The following RAF1 variants were observed in gnomAD, a reference collection of about 807,000 sequenced individuals.
The protein encoded by RAF1 is Raf-1 proto-oncogene, serine/threonine kinase.
Under a neutral mutation model 81.1 loss-of-function variants are expected in RAF1, and 27 were observed. The observed-to-expected ratio is 0.33, with a 90% CI of 0.25 to 0.46. RAF1 has a LOEUF of 0.46. Among genes scored for constraint, RAF1 ranks in the 20% least tolerant of loss-of-function variants. The pLI is 1.00. For synonymous variants in RAF1, 298 were observed against 294.0 expected, an observed-to-expected ratio of 1.01 and a Z score of -0.14; for missense variants, 598 against 826.0, an observed-to-expected ratio of 0.72 and a Z score of 3.38.
intron 1 of RAF1, among the ~76,000 whole-genome samples, chr3:12,633,934 CA>C (rs35322613): frequency 0.28 from 26,387 of 95,346 alleles, 2,387 homozygotes; most frequent in African/African-American, 0.35. Context: ...AAAACTCTCT[CA>C]AAAAAAAAAA....
At position 12,590,997 on chromosome 3, in the gene RAF1, G is replaced by A. The variant is rs200643299; in HGVS notation, c.1254-23C>T. The A allele has an allele frequency of 1.1e-4, 182 of 1,583,764 alleles. 1 individual carries two copies. Among genetic ancestry groups the A allele is most frequent in the African/African-American group, 5.1e-4 (38 of 74,568 alleles). ...TTGCTGGGGAGGGGAGGGGAAGAGA[G>A]GAGAGGGAGGAGGAAAGTGCTCAGG... On this transcript the variant is annotated intron_variant, in intron 12 of 17. Transcript: ENST00000442415.
chr3:12,645,097 C>CAAAAAAAA (rs11401342), intron 1 of RAF1, among the ~76,000 whole-genome samples: 6 of 65,036 alleles, frequency 9.2e-5, no homozygotes, highest in East Asian at 5.8e-4. Flanking sequence ...GACTCAGTCT[C>CAAAAAAAA]AAAAAAAAAA....
intron 2 of RAF1, among the ~76,000 whole-genome samples, chr3:12,613,474 A>G (rs1575591691): frequency 6.7e-6 from 1 of 148,304 alleles, no homozygotes; most frequent in East Asian, 2.0e-4. Context: ...ATATCTACCT[A>G]TGTGGGTACA....
chr3:12,643,454 AAAG>A (rs1301688638), intron 1 of RAF1, among the ~76,000 whole-genome samples: 1 of 152,170 alleles, frequency 6.6e-6, no homozygotes, highest in Non-Finnish European at 1.5e-5. Context: ...TAAAAATTAA[AAAG>A]AAGCCGGGTG....
At chr3:12,626,928 G>A (rs2059719312) in intron 1 of RAF1, among the ~76,000 whole-genome samples, 2 of 150,638 alleles carry the variant, frequency 1.3e-5, no homozygotes, top group African/African-American at 2.4e-5. Flanking sequence ...GGAGGCTGAG[G>A]CAGGAGAATC....
intron 5 of RAF1, chr3:12,608,468 A>G (rs2059109445): frequency 1.4e-5 from 6 of 415,460 alleles, no homozygotes; most frequent in Middle Eastern, 7.1e-4. Flanking sequence ...AGCGAAAAGC[A>G]AAAAATCTTC....
intron 3 of RAF1, 115 bp downstream of exon 3, chr3:12,611,824 ATAAAGAAAGGT>A: frequency 1.3e-6 from 1 of 758,230 alleles, no homozygotes; most frequent in Non-Finnish European, 2.3e-6. Context: ...TTATCTCTTT[ATAAAGAAAGGT>A]ATAGAAATAT....
Position 12,599,825 on chromosome 3 carries a change from T to C in RAF1, c.1051-17A>G, listed in dbSNP as rs753519031. 3 of 1,561,594 alleles carry C rather than the reference T, an allele frequency of 1.9e-6. No homozygotes were observed. The highest frequency in any genetic ancestry group is 3.3e-5 in the Admixed American group (2 of 59,928). Reference sequence around the variant, plus strand: ...ACGAGGCCTCTGAAACAAGTAGAGATCATTATTATACTCCATGCAATGGTA... The same window carrying C: ...ACGAGGCCTCTGAAACAAGTAGAGACCATTATTATACTCCATGCAATGGTA... On this transcript the variant is annotated splice_polypyrimidine_tract_variant and intron_variant, in intron 10 of 17. Coordinates refer to ENST00000442415, the MANE Select transcript of RAF1 (RefSeq NM_001354689.3).
intron 1 of RAF1, among the ~76,000 whole-genome samples, chr3:12,644,703 TTTAAG>T (rs2060292187): frequency 6.6e-6 from 1 of 152,220 alleles, no homozygotes; most frequent in South Asian, 2.1e-4. Flanking sequence ...CATGGACATT[TTTAAG>T]TTTTCTTCAA....
At chr3:12,661,507 GACCAGC>G in intron 1 of RAF1, among the ~76,000 whole-genome samples, 1 of 152,034 alleles carries the variant, frequency 6.6e-6, no homozygotes, top group South Asian at 2.1e-4. Context: ...AGGAGTTCGA[GACCAGC>G]CTGGCCAACA....
chr3:12,610,885 GC>G (rs906929416), intron 3 of RAF1, among the ~76,000 whole-genome samples: 3 of 152,156 alleles, frequency 2.0e-5, no homozygotes, highest in African/African-American at 7.2e-5. Flanking sequence ...TTGAGGGGAT[GC>G]CTCTATCTTG....
At chr3:12,644,592 C>T (rs1559480381) in intron 1 of RAF1, among the ~76,000 whole-genome samples, 1 of 152,190 alleles carries the variant, frequency 6.6e-6, no homozygotes, top group Non-Finnish European at 1.5e-5. Flanking sequence ...TATCCCTTGG[C>T]TCTATCCTTT....
intron 1 of RAF1, among the ~76,000 whole-genome samples, chr3:12,659,427 C>CAAAAAAAAAAAAAAAA (rs71063859): frequency 0.035 from 1,644 of 47,476 alleles, 356 homozygotes; most frequent in Admixed American, 0.08. Flanking sequence ...GATTTCATCT[C>CAAAAAAAAAAAAAAAA]AAAAAAAAAA....
rs2125420182 is a variant in RAF1, at chr3:12,609,270, T to A, written c.386A>T (p.Asp129Val). The change falls in exon 4 of 18, where the codon GAT becomes GTT. Residue 129 changes from aspartate to valine, a missense_variant. By Grantham distance (152) the Asp-to-Val change is radical (BLOSUM62 -3). Coordinates refer to ENST00000442415, the MANE Select transcript of RAF1 (RefSeq NM_001354689.3). Reference sequence around the variant, plus strand: ...TGTGAGGGGAACATGATCCAGGAAATCTACTTGAAGTTCTTCTCCAATCAA... The same window carrying A: ...TGTGAGGGGAACATGATCCAGGAAAACTACTTGAAGTTCTTCTCCAATCAA... 6.2e-7 allele frequency: 1 copy of A among 1,613,564 alleles called. No homozygotes were observed. The highest frequency in any genetic ancestry group is 8.5e-7 in the Non-Finnish European group (1 of 1,179,530).
In RAF1 at chr3:12,584,477, T is replaced by G; in HGVS notation, c.*37A>C. On this transcript the variant is annotated 3_prime_UTR_variant, in exon 18 of 18. Coordinates refer to ENST00000442415, the MANE Select transcript of RAF1 (RefSeq NM_001354689.3). ...AAAAGTGGTGCCTGCTGGCTTCTCC[T>G]CCTCCCCTGGCAGCCTGAAGACAGG... 6.2e-7 allele frequency: 1 copy of G among 1,613,904 alleles called. No homozygotes were observed. Among genetic ancestry groups the G allele is most frequent in the South Asian group, 1.1e-5 (1 of 91,072 alleles).
chr3:12,620,523 T>A (rs1471220610), intron 1 of RAF1, among the ~76,000 whole-genome samples: 1 of 152,284 alleles, frequency 6.6e-6, no homozygotes, highest in East Asian at 1.9e-4. Context: ...CAGGCTGGGG[T>A]GCAGTGACAT....
At chr3:12,658,974 G>A (rs1363194135) in intron 1 of RAF1, among the ~76,000 whole-genome samples, 2 of 152,160 alleles carry the variant, frequency 1.3e-5, no homozygotes, top group Non-Finnish European at 2.9e-5. Context: ...GCAAACAGAT[G>A]TGAAATTAAC....
At chr3:12,627,949 G>A (rs12629082) in intron 1 of RAF1, among the ~76,000 whole-genome samples, 83,856 of 152,022 alleles carry the variant, frequency 0.55, 24,452 homozygotes, top group East Asian at 0.92. Flanking sequence ...GCAAAATCCC[G>A]TCTCTACTAA....
chr3:12,594,878 AAC>A (rs1449353722), intron 11 of RAF1, among the ~76,000 whole-genome samples: 9 of 152,188 alleles, frequency 5.9e-5, no homozygotes, highest in African/African-American at 2.2e-4. Context: ...AGCTCTCGTT[AAC>A]ACAGTTATGG....
Sources: gnomAD v4.1 joint callset for allele counts (sites outside exome capture counted in the v4.1 genomes callset) on GRCh38, gnomAD v4.1.1 for gene constraint, MANE v1.5 for transcripts, NCBI Gene and HGNC (gene_info 2026-07-23, HGNC 2026-07-21) for gene names.